MBNL1: variants seen among roughly 807,000 people sequenced by gnomAD.
MBNL1 encodes the protein muscleblind like splicing regulator 1.
MBNL1 carries 8 observed loss-of-function variants against 42.2 expected under a neutral mutation model. That is an observed-to-expected ratio of 0.19 (90% CI 0.11 to 0.34). MBNL1 has a LOEUF of 0.34. MBNL1 is among the 10% of genes least tolerant of loss of function. The pLI is 1.00. For missense variants in MBNL1, 309 were observed against 495.3 expected (o/e 0.62, Z 3.57); for synonymous variants, 169 against 173.9 (o/e 0.97, Z 0.22).
intron 6 of MBNL1, among the ~76,000 whole-genome samples, chr3:152,450,741 A>G (rs571293883): frequency 1.3e-5 from 2 of 152,230 alleles, no homozygotes; most frequent in African/African-American, 4.8e-5. Flanking sequence ...AACCCGCACA[A>G]CCTAACACAG....
At chr3:152,446,857 A>G (rs1250796189) in intron 5 of MBNL1, 18 of 1,013,130 alleles carry the variant, frequency 1.8e-5, no homozygotes, top group East Asian at 2.7e-5. Flanking sequence ...TTTTTCTGTT[A>G]TAGAGTTGTA....
At chr3:152,366,972 A>G (rs1025220963) in intron 2 of MBNL1, among the ~76,000 whole-genome samples, 1 of 152,184 alleles carries the variant, frequency 6.6e-6, no homozygotes, top group Non-Finnish European at 1.5e-5. Flanking sequence ...TTGAGGATGT[A>G]TTATATATTT....
chr3:152,296,509 A>C (rs1391987956), intron 1 of MBNL1, among the ~76,000 whole-genome samples: 1 of 152,186 alleles, frequency 6.6e-6, no homozygotes, highest in Non-Finnish European at 1.5e-5. Flanking sequence ...GACGCATAAT[A>C]TTATTATCCA....
intron 2 of MBNL1, among the ~76,000 whole-genome samples, chr3:152,251,354 A>T (rs926706205): frequency 8.5e-5 from 13 of 152,114 alleles, no homozygotes; most frequent in African/African-American, 1.2e-4. Flanking sequence ...GGCTAAATGT[A>T]TAATGGATCA....
chr3:152,352,223 A>G (rs1284191031), intron 2 of MBNL1, among the ~76,000 whole-genome samples: 1 of 152,194 alleles, frequency 6.6e-6, no homozygotes, highest in Non-Finnish European at 1.5e-5. Flanking sequence ...TAAATTTAGG[A>G]TGAGCAAAAT....
At chr3:152,425,827 G>A (rs141370456) in intron 3 of MBNL1, among the ~76,000 whole-genome samples, 344 of 152,220 alleles carry the variant, frequency 2.3e-3, no homozygotes, top group African/African-American at 8.0e-3. Flanking sequence ...AATAACATTT[G>A]ACCCAGCAGT....
At chr3:152,423,648 C>G (rs886229200) in intron 3 of MBNL1, among the ~76,000 whole-genome samples, 1 of 152,152 alleles carries the variant, frequency 6.6e-6, no homozygotes, top group African/African-American at 2.4e-5. Flanking sequence ...AATTTCAGGC[C>G]AATATCCCTG....
chr3:152,389,556 G>C (rs1284840876), intron 2 of MBNL1, among the ~76,000 whole-genome samples: 1 of 152,152 alleles, frequency 6.6e-6, no homozygotes, highest in Non-Finnish European at 1.5e-5. Flanking sequence ...TTCTAGGCTG[G>C]AAACCTGTAC....
At chr3:152,299,190 T>C (rs2059815819) in intron 1 of MBNL1, 1 of 152,818 alleles carries the variant, frequency 6.5e-6, no homozygotes, top group African/African-American at 2.4e-5. Context: ...CATGCATTGC[T>C]TCACAAGGGG....
rs1749685293 is a variant in MBNL1 at position 152,464,952 on chromosome 3, C to G, written c.*2586C>G. On this transcript the variant is annotated 3_prime_UTR_variant, in exon 10 of 10. Coordinates refer to ENST00000324210, the MANE Select transcript of MBNL1 (RefSeq NM_021038.5). ...AGCAAAATTGCTTGCAAAAGTGGCA[C>G]AGAGTTAGCACTCCATACCCCTTCA... 6.6e-6 allele frequency: 1 copy of G among 152,608 alleles called. No homozygotes were observed. Among genetic ancestry groups the G allele is most frequent in the African/African-American group, 2.4e-5 (1 of 41,456 alleles). The allele number at this position is 152,608 out of a possible 1,614,324, so 9.5% of individuals were successfully genotyped here.
At chr3:152,315,891 CCTCT>C (rs919790844) in intron 2 of MBNL1, among the ~76,000 whole-genome samples, 16 of 150,888 alleles carry the variant, frequency 1.1e-4, no homozygotes, top group African/African-American at 2.0e-4. Context: ...CTCTCTCACT[CCTCT>C]CTCTCTCACA....
At chr3:152,271,380 G>C (rs1284169108) in intron 1 of MBNL1, among the ~76,000 whole-genome samples, 2 of 152,052 alleles carry the variant, frequency 1.3e-5, no homozygotes, top group African/African-American at 2.4e-5. Flanking sequence ...ATTGAGGAAG[G>C]GTGTGTTACT....
At chr3:152,296,292 C>T (rs554378622) in intron 1 of MBNL1, among the ~76,000 whole-genome samples, 29 of 151,964 alleles carry the variant, frequency 1.9e-4, no homozygotes, top group Admixed American at 1.8e-3. Context: ...AAAGACAGGG[C>T]GTGCATGTAT....
chr3:152,445,857 T>C (rs529609258), intron 5 of MBNL1, among the ~76,000 whole-genome samples: 101 of 152,356 alleles, frequency 6.6e-4, no homozygotes, highest in Non-Finnish European at 1.3e-3. Context: ...TTCAGTCTTC[T>C]TATTTCTGTG....
intron 2 of MBNL1, among the ~76,000 whole-genome samples, chr3:152,360,842 C>T (rs1004634558): frequency 6.6e-6 from 1 of 152,078 alleles, no homozygotes; most frequent in Non-Finnish European, 1.5e-5. Context: ...ATAAGTTGTG[C>T]ATATCCATTC....
chr3:152,433,107 G>A (rs2099027779), intron 4 of MBNL1, among the ~76,000 whole-genome samples, 187 bp downstream of exon 4: 1 of 152,124 alleles, frequency 6.6e-6, no homozygotes, highest in South Asian at 2.1e-4. Context: ...GTTTATAAAG[G>A]CTACAACATC....
chr3:152,316,582 A>G lies in MBNL1; in HGVS notation c.174+16215A>G, dbSNP rs1243883777. 2.6e-5 allele frequency among the ~76,000 whole-genome samples: 4 copies of G among 152,100 alleles called. No homozygotes were observed. The East Asian group carries it at 5.8e-4, about 22-fold the overall frequency. ...TCTATCACCTAGACCTTCATGCTCC[A>G]TCACCTAGTCCTGCTTGCTCCATCA... On this transcript the variant is annotated intron_variant, in intron 2 of 9. Transcript: ENST00000324210.
At chr3:152,309,183 C>T (rs912600716) in intron 2 of MBNL1, among the ~76,000 whole-genome samples, 1 of 152,026 alleles carries the variant, frequency 6.6e-6, no homozygotes, top group African/African-American at 2.4e-5. Flanking sequence ...TATGACATCA[C>T]AAGTGGGAAT....
At chr3:152,409,465 G>GAA (rs34338591) in intron 2 of MBNL1, among the ~76,000 whole-genome samples, 14 of 140,566 alleles carry the variant, frequency 1.0e-4, no homozygotes, top group Middle Eastern at 3.7e-3. Flanking sequence ...CATCTTAGCT[G>GAA]AAAAAAAAAA....
Sources: gnomAD v4.1 joint callset for allele counts (sites outside exome capture counted in the v4.1 genomes callset) on GRCh38, gnomAD v4.1.1 for gene constraint, MANE v1.5 for transcripts, NCBI Gene and HGNC (gene_info 2026-07-23, HGNC 2026-07-21) for gene names.